The following NALF1 variants were observed in gnomAD, a reference collection of about 807,000 sequenced individuals.
The protein encoded by NALF1 is NALCN channel auxiliary factor 1.
NALF1 carries 3 observed loss-of-function variants against 48.4 expected under a neutral mutation model. That is an observed-to-expected ratio of 0.06 (90% confidence interval 0.03 to 0.16). NALF1 has a LOEUF of 0.16. Ranked by LOEUF, NALF1 falls within the 10% of genes least tolerant of loss-of-function variation. The pLI is 1.00. For missense variants in NALF1, 526 were observed against 571.5 expected, an observed-to-expected ratio of 0.92 and a Z score of 0.81; for synonymous variants, 262 against 245.7, an observed-to-expected ratio of 1.07 and a Z score of -0.62.
At chr13:107,361,475 G>A (rs1170594950) in intron 1 of NALF1, among the ~76,000 whole-genome samples, 2 of 151,932 alleles carry the variant, frequency 1.3e-5, no homozygotes, top group Non-Finnish European at 1.5e-5. Context: ...CAAAAGGACT[G>A]TAGGGGAAAA....
intron 1 of NALF1, among the ~76,000 whole-genome samples, chr13:107,789,690 C>G (rs544181212): frequency 6.6e-6 from 1 of 152,162 alleles, no homozygotes; most frequent in African/African-American, 2.4e-5. Context: ...AACTGAGACT[C>G]AGACAGATTC....
chr13:107,363,810 T>G (rs552245381), intron 1 of NALF1, among the ~76,000 whole-genome samples: 25 of 152,220 alleles, frequency 1.6e-4, no homozygotes, highest in Non-Finnish European at 3.5e-4. Context: ...AACATTCTAT[T>G]TTGTTTCAAA....
At chr13:107,386,655 C>T (rs1453917724) in intron 1 of NALF1, among the ~76,000 whole-genome samples, 3 of 152,194 alleles carry the variant, frequency 2.0e-5, no homozygotes, top group East Asian at 1.9e-4. Flanking sequence ...CTGGTGACCT[C>T]AAACTTTAAT....
intron 1 of NALF1, among the ~76,000 whole-genome samples, chr13:107,364,520 G>A (rs1883117803): frequency 1.3e-5 from 2 of 152,206 alleles, no homozygotes; most frequent in Admixed American, 6.5e-5. Context: ...ATCCAGACAC[G>A]GAGGAGTGGG....
At chr13:107,215,424 T>G (rs1433924450) in intron 1 of NALF1, among the ~76,000 whole-genome samples, 1 of 152,052 alleles carries the variant, frequency 6.6e-6, no homozygotes, top group Non-Finnish European at 1.5e-5. Context: ...GAAGAGGTGA[T>G]CAGGGAGAGC....
chr13:107,763,329 C>T (rs1272157098), intron 1 of NALF1, among the ~76,000 whole-genome samples: 1 of 151,958 alleles, frequency 6.6e-6, no homozygotes, highest in Non-Finnish European at 1.5e-5. Context: ...TCACTAGATG[C>T]TATTCTCCAT....
At chr13:107,662,597 C>G (rs1323731163) in intron 1 of NALF1, among the ~76,000 whole-genome samples, 2 of 152,100 alleles carry the variant, frequency 1.3e-5, no homozygotes, top group Admixed American at 6.5e-5. Flanking sequence ...ATGTTTCATG[C>G]AGTTCTCAAG....
chr13:107,602,625 T>C (rs546267468), intron 1 of NALF1, among the ~76,000 whole-genome samples: 1 of 152,374 alleles, frequency 6.6e-6, no homozygotes, highest in African/African-American at 2.4e-5. Flanking sequence ...AAATTTCCAA[T>C]TGCATTTGAG....
chr13:107,312,654 T>C (rs1270789055), intron 1 of NALF1, among the ~76,000 whole-genome samples: 1 of 151,918 alleles, frequency 6.6e-6, no homozygotes, highest in Non-Finnish European at 1.5e-5. Flanking sequence ...TCAAAGAAAA[T>C]CAGAGGAGAA....
chr13:107,538,979 C>T (rs775826678), intron 1 of NALF1, among the ~76,000 whole-genome samples: 2 of 149,750 alleles, frequency 1.3e-5, no homozygotes, highest in Non-Finnish European at 2.9e-5. Flanking sequence ...ATTCATTTTG[C>T]TCTCAAATAT....
chr13:107,701,851 C>A (rs1881829864), intron 1 of NALF1, among the ~76,000 whole-genome samples: 1 of 151,936 alleles, frequency 6.6e-6, no homozygotes, highest in South Asian at 2.1e-4. Flanking sequence ...CTCAAATATA[C>A]ATAATAAAAT....
At chr13:107,837,684 G>A (rs1230666910) in intron 1 of NALF1, among the ~76,000 whole-genome samples, 2 of 145,528 alleles carry the variant, frequency 1.4e-5, no homozygotes, top group Non-Finnish European at 3.0e-5. Flanking sequence ...CACCAGCTGC[G>A]CAGACTCCCA....
intron 1 of NALF1, among the ~76,000 whole-genome samples, chr13:107,856,252 T>C (rs1880438557): frequency 6.6e-6 from 1 of 152,130 alleles, no homozygotes; most frequent in African/African-American, 2.4e-5. Context: ...TTTGATAATG[T>C]CCCCAAAGAA....
At chr13:107,263,249 G>GACACACACACACACAC (rs34637583) in intron 1 of NALF1, among the ~76,000 whole-genome samples, 29 of 138,464 alleles carry the variant, frequency 2.1e-4, no homozygotes, top group East Asian at 2.2e-4. Flanking sequence ...AATGCTAACA[G>GACACACACACACACAC]ACACACACAC....
chr13:107,332,908 TG>T (rs1241834013), intron 1 of NALF1, among the ~76,000 whole-genome samples: 1 of 152,178 alleles, frequency 6.6e-6, no homozygotes, highest in Non-Finnish European at 1.5e-5. Flanking sequence ...TGTAATGGCA[TG>T]ATCTCGGCTC....
intron 1 of NALF1, among the ~76,000 whole-genome samples, chr13:107,828,952 A>G (rs1879618194): frequency 6.6e-6 from 1 of 152,152 alleles, no homozygotes; most frequent in African/African-American, 2.4e-5. Context: ...AAGCTATTAG[A>G]TTATGTGCAC....
chr13:107,552,752 T>A (rs534732222), intron 1 of NALF1, among the ~76,000 whole-genome samples: 1 of 152,140 alleles, frequency 6.6e-6, no homozygotes, highest in Non-Finnish European at 1.5e-5. Flanking sequence ...TAGTTTTGTA[T>A]AAAGTGGTGC....
chr13:107,280,135 T>C (rs370312839), intron 1 of NALF1, among the ~76,000 whole-genome samples: 50 of 152,302 alleles, frequency 3.3e-4, no homozygotes, highest in African/African-American at 1.0e-3. Flanking sequence ...ATCCTGCAGA[T>C]AGACTGAACT....
At chr13:107,832,607 G>C (rs1287494092) in intron 1 of NALF1, among the ~76,000 whole-genome samples, 1 of 152,068 alleles carries the variant, frequency 6.6e-6, no homozygotes, top group Non-Finnish European at 1.5e-5. Flanking sequence ...CTGCTCACTT[G>C]CCTACATTGG....
Sources: gnomAD v4.1 joint callset for allele counts (sites outside exome capture counted in the v4.1 genomes callset) on GRCh38, gnomAD v4.1.1 for gene constraint, MANE v1.5 for transcripts, NCBI Gene and HGNC (gene_info 2026-07-23, HGNC 2026-07-21) for gene names.